PNKP: variants seen among roughly 807,000 people sequenced by gnomAD.
The protein encoded by PNKP is polynucleotide kinase 3'-phosphatase, also known as bifunctional polynucleotide phosphatase/kinase.
A neutral mutation model predicts 66.2 loss-of-function variants in PNKP; 82 were observed. The observed-to-expected ratio is 1.24, with a 90% confidence interval of 1.04 to 1.49. The LOEUF is 1.49. PNKP is among the 40% of genes most tolerant of loss of function. The pLI, the probability that PNKP is intolerant of heterozygous loss-of-function variation, is 0.00. For missense variants in PNKP, 907 were observed against 706.8 expected (o/e 1.28, Z -3.21); for synonymous variants, 412 against 298.9 (o/e 1.38, Z -3.90).
Position 49,866,447 on chromosome 19 carries a change from T to G in PNKP, c.152-2A>C. On this transcript the variant is annotated splice_acceptor_variant, in intron 2 of 16. Coordinates refer to ENST00000322344, the MANE Select transcript of PNKP (RefSeq NM_007254.4). LOFTEE classifies it high-confidence loss of function. ...TCTCAGGATCTGCGACCAGCTCCAC[T>G]GAGGATTGGAGGGGTGGAGTCAGGA... 6.2e-7 allele frequency: 1 copy of G among 1,614,070 alleles called. No individual in the cohort carries two copies.
intron 5 of PNKP, 42 bp from the exon 6 acceptor site, chr19:49,864,278 G>A (rs770185057): frequency 1.2e-6 from 2 of 1,611,390 alleles, no homozygotes; most frequent in Non-Finnish European, 1.7e-6. Context: ...CGGGGCCAGA[G>A]GTGGACTCCA....
intron 13 of PNKP, 39 bp downstream of exon 13, chr19:49,862,005 C>CT: frequency 1.2e-6 from 2 of 1,612,324 alleles, no homozygotes; most frequent in Non-Finnish European, 1.7e-6. Context: ...GAGATGGGAA[C>CT]TTTATAATAG....
rs1345566696 is a variant in PNKP at position 49,863,777 on chromosome 19, G to A, written c.745-17C>T. The A allele has an allele frequency of 1.9e-6, 3 of 1,554,466 alleles. No individual in the cohort carries two copies. Among genetic ancestry groups the A allele is most frequent in the East Asian group, 2.4e-5 (1 of 41,572 alleles). ...CACCAGCACCTGTGGATGGGAGGGG[G>A]CCACCAGCTTTAGCTCCCCCTCAAG... On this transcript the variant is annotated splice_polypyrimidine_tract_variant and intron_variant, in intron 7 of 16. Coordinates refer to ENST00000322344, the MANE Select transcript of PNKP (RefSeq NM_007254.4).
intron 3 of PNKP, 47 bp from the exon 4 acceptor site, chr19:49,865,473 G>C (rs979148213): frequency 7.7e-6 from 11 of 1,424,230 alleles, no homozygotes; most frequent in African/African-American, 5.7e-5. Flanking sequence ...CCCCCACCGG[G>C]AGCTTCCTCC....
Position 49,861,702 on chromosome 19 carries a change from G to A in PNKP, c.1299-7C>T, listed in dbSNP as rs1555810817. ...TCGGGCACACTGGACGTACCTGTGGGGGAAGGAGCTGGATGTGCAGGCCCC... is the reference window on the plus strand; with the variant it reads ...TCGGGCACACTGGACGTACCTGTGGAGGAAGGAGCTGGATGTGCAGGCCCC... On this transcript the variant is annotated splice_polypyrimidine_tract_variant and splice_region_variant and intron_variant, in intron 14 of 16. Coordinates refer to ENST00000322344, the MANE Select transcript of PNKP (RefSeq NM_007254.4). 6.5e-7 allele frequency: 1 copy of A among 1,548,528 alleles called. No homozygotes were observed. The highest frequency in any genetic ancestry group is 8.7e-7 in the Non-Finnish European group (1 of 1,146,418).
At chr19:49,865,085 C>G in intron 4 of PNKP, 42 bp downstream of exon 4, 5 of 1,582,846 alleles carry the variant, frequency 3.2e-6, no homozygotes, top group Non-Finnish European at 4.3e-6. Flanking sequence ...GGATTGGGTC[C>G]CAGTCTGTGG....
At position 49,861,297 on chromosome 19, in the gene PNKP, C is replaced by G. The variant is rs778043139; in HGVS notation, c.1517G>C (p.Trp506Ser). The change falls in exon 17 of 17, where the codon TGG becomes TCG. Residue 506 changes from tryptophan (W) to serine (S), a missense_variant. Transcript: ENST00000322344. ...SAILEIPFRL[W>S]VEPRLGRLYC... Reference sequence around the variant, plus strand: ...CAGCCGCCCCAGCCTCGGCTCCACCCATAGCCGGAACGGGATCTCCAGGAT... The same window carrying G: ...CAGCCGCCCCAGCCTCGGCTCCACCGATAGCCGGAACGGGATCTCCAGGAT... 6.2e-7 allele frequency: 1 copy of G among 1,614,064 alleles called. No individual in the cohort carries two copies. Among genetic ancestry groups the G allele is most frequent in the South Asian group, 1.1e-5 (1 of 91,078 alleles).
chr19:49,865,355 C>G lies in PNKP; in HGVS notation c.270G>C (p.Gly90=). The stretch of plus-strand genomic sequence containing the variant: ...GGCCATTGACCAAATACAGTGTGTC[C>G]CCCACCCCCAGAGAGCCCTCCAACC... ...KPGLEGSLGV[G]DTLYLVNGLH... is the part of the protein sequence containing the mutation. Residue 90 remains glycine (G), a synonymous_variant, in exon 4 of 17, where the codon GGG becomes GGC. Coordinates refer to ENST00000322344, the MANE Select transcript of PNKP (RefSeq NM_007254.4). 1 of 1,613,676 alleles carries G rather than the reference C, an allele frequency of 6.2e-7. No homozygotes were observed. The highest frequency in any genetic ancestry group is 8.5e-7 in the Non-Finnish European group (1 of 1,179,742).
Position 49,862,546 on chromosome 19 carries a change from C to CGG in PNKP, c.926_927dup (p.Asp310ProfsTer53). 1 of 1,610,078 alleles carries CGG rather than the reference C, an allele frequency of 6.2e-7. No homozygotes were observed. Among genetic ancestry groups the CGG allele is most frequent in the Non-Finnish European group, 8.5e-7 (1 of 1,178,146 alleles). On this transcript the variant is annotated frameshift_variant, in exon 10 of 17. Coordinates refer to ENST00000322344, the MANE Select transcript of PNKP (RefSeq NM_007254.4). LOFTEE classifies it high-confidence loss of function. ...GGGGGCAGGGGCCTCACCAGGCGAT[C>CGG]GGCGCAGGAGAAGTCTTTCTTCTTC...
At position 49,862,100 on chromosome 19, in the gene PNKP, T is replaced by G. The variant is rs2074774511; in HGVS notation, c.1132A>C (p.Lys378Gln). The change falls in exon 13 of 17, where the codon AAG (lysine) becomes CAG (glutamine). Residue 378 changes from lysine (K) to glutamine (Q), a missense_variant. Physicochemically the swap from Lys to Gln is moderately conservative, Grantham distance 53 (BLOSUM62 1). Coordinates refer to ENST00000322344, the MANE Select transcript of PNKP (RefSeq NM_007254.4). ...AGGTGCTTCTTGAGAAAGGTGGACT[T>G]CCCGGCTGTGTGGGGGGCAGTGTCG... ...VVAVGFPGAG[K>Q]STFLKKHLVS... is the part of the protein sequence containing the mutation. 6.2e-7 allele frequency: 1 copy of G among 1,613,898 alleles called. No individual in the cohort carries two copies. The highest frequency in any genetic ancestry group is 1.7e-5 in the Admixed American group (1 of 59,998).
chr19:49,861,767 G>C lies in PNKP; in HGVS notation c.1298+5C>G. 6.4e-7 allele frequency: 1 copy of C among 1,567,302 alleles called. No individual in the cohort carries two copies. The highest frequency in any genetic ancestry group is 1.4e-5 in the African/African-American group (1 of 73,658). ...AGGCCACCTACGGCCCCGCGGTCAC[G>C]CTACCTGGCGCGGCTCGCGGCGTCT... On this transcript the variant is annotated splice_donor_5th_base_variant and intron_variant, in intron 14 of 16. Coordinates refer to ENST00000322344, the MANE Select transcript of PNKP (RefSeq NM_007254.4).
Position 49,862,064 on chromosome 19 carries a change from C to T in PNKP, c.1168G>A (p.Gly390Arg), listed in dbSNP as rs761335711. 1.1e-5 allele frequency: 18 copies of T among 1,614,122 alleles called. No homozygotes were observed. The highest frequency in any genetic ancestry group is 1.4e-5 in the Non-Finnish European group (17 of 1,180,004). ...CATACCCTGTTCACGTGGACATATCCGGCCGACACGAGGTGCTTCTTGAGA... is the reference window on the plus strand; with the variant it reads ...CATACCCTGTTCACGTGGACATATCTGGCCGACACGAGGTGCTTCTTGAGA... ...TFLKKHLVSA[G>R]YVHVNRDTLG... is the part of the protein sequence containing the mutation. The change falls in exon 13 of 17, where the codon GGA (glycine) becomes AGA (arginine). Residue 390 changes from glycine (G) to arginine (R), a missense_variant. Transcript: ENST00000322344.
Position 49,861,443 on chromosome 19 carries a change from C to G in PNKP, c.1448+6G>C, listed in dbSNP as rs1327757718. ...TGCCCCTGCCCCCTGCTATCCCCAACAGTACCTGTAGCCATACATGACCAT... is the reference window on the plus strand; with the variant it reads ...TGCCCCTGCCCCCTGCTATCCCCAAGAGTACCTGTAGCCATACATGACCAT... On this transcript the variant is annotated splice_donor_region_variant and intron_variant, in intron 16 of 16. Coordinates refer to ENST00000322344, the MANE Select transcript of PNKP (RefSeq NM_007254.4). 2 of 1,614,062 alleles carry G rather than the reference C, an allele frequency of 1.2e-6. No individual in the cohort carries two copies. Among genetic ancestry groups the G allele is most frequent in the South Asian group, 2.2e-5 (2 of 91,086 alleles).
chr19:49,866,914 C>T (rs996280789), intron 2 of PNKP, 140 bp downstream of exon 2: 19 of 848,030 alleles, frequency 2.2e-5, no homozygotes, highest in Admixed American at 6.9e-5. Context: ...CAAACTTTAT[C>T]TTCCTGTACT....
In PNKP at chr19:49,862,617, C is replaced by G; in HGVS notation, c.866-9G>C. ...CGGGCGTCCGGCTGCGTCTGGAACA[C>G]ACGGGACACCCCGTTCCCACCAGCT... is the stretch of plus-strand genomic sequence containing the variant. On this transcript the variant is annotated splice_polypyrimidine_tract_variant and intron_variant, in intron 9 of 16. Transcript: ENST00000322344. The G allele has an allele frequency of 6.2e-7, 1 of 1,613,966 alleles. No homozygotes were observed. Among genetic ancestry groups the G allele is most frequent in the Non-Finnish European group, 8.5e-7 (1 of 1,179,920 alleles).
Position 49,867,010 on chromosome 19 carries a change from C to T in PNKP, c.151+44G>A, listed in dbSNP as rs748650375. The T allele has an allele frequency of 6.9e-6, 11 of 1,602,422 alleles. No homozygotes were observed. In the African/African-American group the frequency reaches 1.3e-4, roughly 20 times the overall value. ...CAAGCGTCCCTCTGGATTGTTCCCG[C>T]TTTTGCAGCAGGCCACACCCCCTCC... On this transcript the variant is annotated intron_variant, in intron 2 of 16. Coordinates refer to ENST00000322344, the MANE Select transcript of PNKP (RefSeq NM_007254.4).
chr19:49,865,044 G>C (rs959821309), intron 4 of PNKP, 83 bp downstream of exon 4: 3 of 1,147,646 alleles, frequency 2.6e-6, no homozygotes, highest in Non-Finnish European at 2.6e-6. Flanking sequence ...GTAAGTAGAG[G>C]CTAAAAAGTT....
At chr19:49,866,378 C>T in intron 3 of PNKP, 21 bp downstream of exon 3, 1 of 1,610,602 alleles carries the variant, frequency 6.2e-7, no homozygotes, top group Non-Finnish European at 8.5e-7. Context: ...GCCTTGCTGG[C>T]CCTTGCAGAG....
chr19:49,862,202 G>GCGACAACCACCTC lies in PNKP; in HGVS notation c.1096_1108dup (p.Ala370GlyfsTer45). On this transcript the variant is annotated frameshift_variant, in exon 12 of 17. Transcript: ENST00000322344. LOFTEE classifies it high-confidence loss of function. ...ACACTTACCCCCAGGGAATCCCACT[G>GCGACAACCACCTC]CGACAACCACCTCCGGGCTGGCGCT... 1.2e-6 allele frequency: 2 copies of GCGACAACCACCTC among 1,613,776 alleles called. No homozygotes were observed. Among genetic ancestry groups the GCGACAACCACCTC allele is most frequent in the Non-Finnish European group, 8.5e-7 (1 of 1,179,836 alleles).
Sources: gnomAD v4.1 joint callset for allele counts on GRCh38, gnomAD v4.1.1 for gene constraint, MANE v1.5 for transcripts, NCBI Gene and HGNC (gene_info 2026-07-23, HGNC 2026-07-21) for gene names.